Variants in RNASEH2B observed in about 807,000 individuals in gnomAD.
RNASEH2B encodes the protein Aicardi-Goutieres syndrome 2 protein.
RNASEH2B carries 36 observed loss-of-function variants against 45.0 expected under a neutral mutation model. That is an observed-to-expected ratio of 0.80 (90% CI 0.61 to 1.06). RNASEH2B has a LOEUF of 1.06. Among genes scored for constraint, RNASEH2B ranks in the 50% least tolerant of loss-of-function variants. The pLI, the probability that RNASEH2B is intolerant of heterozygous loss-of-function variation, is 0.00. For missense variants in RNASEH2B, 361 were observed against 360.3 expected (o/e 1.00, Z -0.02); for synonymous variants, 119 against 125.7 (o/e 0.95, Z 0.35).
At chr13:50,942,817 T>C (rs948177830) in intron 5 of RNASEH2B, 1 of 156,050 alleles carries the variant, frequency 6.4e-6, no homozygotes, top group African/African-American at 2.4e-5. Flanking sequence ...ATGTGTAAGA[T>C]GTACATTGGT....
At chr13:50,958,884 T>C (rs774213053), downstream of RNASEH2B, among the ~76,000 whole-genome samples, 2 of 152,154 alleles carry the variant, frequency 1.3e-5, no homozygotes. Context: ...TGTGGGCTTA[T>C]TGGATTTTCA....
chr13:50,962,781 G>A (rs1198747504), intron 9 of RNASEH2B, among the ~76,000 whole-genome samples: 3 of 152,134 alleles, frequency 2.0e-5, no homozygotes, highest in Non-Finnish European at 2.9e-5. Flanking sequence ...TTTTCAGCAA[G>A]TTGACTATGA....
intron 10 of RNASEH2B, 124 bp downstream of exon 10, chr13:50,954,109 C>A (rs1363887569): frequency 1.4e-5 from 10 of 718,098 alleles, no homozygotes; most frequent in Non-Finnish European, 2.6e-5. Context: ...TATTAACTTG[C>A]ATTTCTGTGA....
At chr13:50,950,726 T>G (rs1003164363) in intron 9 of RNASEH2B, 18 of 152,256 alleles carry the variant, frequency 1.2e-4, no homozygotes, top group African/African-American at 4.3e-4. Flanking sequence ...TTAGAGATCA[T>G]TCATGAATTG....
intron 9 of RNASEH2B, chr13:50,950,231 G>C (rs1358694752): frequency 2.0e-5 from 3 of 152,266 alleles, no homozygotes; most frequent in Non-Finnish European, 4.4e-5. Flanking sequence ...AGCCAGCAAA[G>C]TAACGGATGC....
Position 50,909,893 on chromosome 13 carries a change from C to T in RNASEH2B, c.-184C>T, listed in dbSNP as rs1338634141. On this transcript the variant is annotated 5_prime_UTR_variant, in exon 1 of 11. Coordinates refer to ENST00000336617, the MANE Select transcript of RNASEH2B (RefSeq NM_024570.4). ...CCTGGCGCTAAATTTAAAAACGTAA[C>T]ACGAGCAGCAGGCTGGTCTCGGAAA... 3 of 477,946 alleles carry T rather than the reference C, an allele frequency of 6.3e-6. No homozygotes were observed. Among genetic ancestry groups the T allele is most frequent in the Non-Finnish European group, 1.1e-5 (3 of 272,694 alleles). The allele number at this position is 477,946 out of a possible 1,614,324, so 29.6% of individuals were successfully genotyped here.
intron 9 of RNASEH2B, chr13:50,952,466 A>G (rs998813860): frequency 6.6e-6 from 1 of 152,196 alleles, no homozygotes; most frequent in Admixed American, 6.5e-5. Flanking sequence ...CAGTGGCACA[A>G]TCTCAGCTTA....
downstream of RNASEH2B, among the ~76,000 whole-genome samples, chr13:50,957,974 G>A (rs973681276): frequency 2.6e-5 from 4 of 152,018 alleles, no homozygotes; most frequent in African/African-American, 9.7e-5. Flanking sequence ...ATTGATTTGT[G>A]TAAGTTCCTT....
At chr13:50,913,485 A>G (rs911448501) in intron 1 of RNASEH2B, among the ~76,000 whole-genome samples, 1 of 151,206 alleles carries the variant, frequency 6.6e-6, no homozygotes, top group African/African-American at 2.4e-5. Flanking sequence ...AACATTGTGT[A>G]TTGAAAAAAA....
chr13:50,941,760 T>C (rs568985267), intron 5 of RNASEH2B: 3 of 152,220 alleles, frequency 2.0e-5, no homozygotes, highest in Admixed American at 2.0e-4. Context: ...GCCCAGGTAG[T>C]CCTGGCTCCA....
chr13:50,949,443 G>A lies in RNASEH2B; in HGVS notation c.699-20G>A, dbSNP rs749427005. ...TCTATGAAAAACGATGACTTTGATT[G>A]TTATTTTTAACTTTCTTAGGCTTCC... is the stretch of plus-strand genomic sequence containing the variant. On this transcript the variant is annotated intron_variant, in intron 8 of 10. Transcript: ENST00000336617. 4 of 1,612,054 alleles carry A rather than the reference G, an allele frequency of 2.5e-6. No homozygotes were observed. The highest frequency in any genetic ancestry group is 1.7e-5 in the Admixed American group (1 of 59,930).
downstream of RNASEH2B, among the ~76,000 whole-genome samples, chr13:50,961,007 T>A (rs1952106844): frequency 6.6e-6 from 1 of 152,180 alleles, no homozygotes; most frequent in African/African-American, 2.4e-5. Flanking sequence ...GAATATTTCT[T>A]ATTCTAATAT....
chr13:50,917,903 C>T (rs796335371), intron 1 of RNASEH2B, among the ~76,000 whole-genome samples: 25 of 152,242 alleles, frequency 1.6e-4, no homozygotes, highest in African/African-American at 5.8e-4. Context: ...TCTTTTCTAG[C>T]ACTCCACAAT....
intron 1 of RNASEH2B, among the ~76,000 whole-genome samples, chr13:50,918,429 G>A (rs113055247): frequency 0.078 from 11,855 of 152,268 alleles, 620 homozygotes; most frequent in Admixed American, 0.17. Context: ...GAGCCACTGC[G>A]CCCGGCCTCT....
At chr13:50,934,740 C>T in intron 4 of RNASEH2B, 145 bp from the exon 5 acceptor site, 1 of 691,416 alleles carries the variant, frequency 1.4e-6, no homozygotes, top group Non-Finnish European at 2.6e-6. Flanking sequence ...TAGAGCCTGT[C>T]CCATTGTAGG....
At chr13:50,920,978 A>T (rs891289566) in intron 1 of RNASEH2B, among the ~76,000 whole-genome samples, 8 of 152,284 alleles carry the variant, frequency 5.3e-5, no homozygotes, top group Admixed American at 2.0e-4. Flanking sequence ...TTAAGCCGTT[A>T]TGTAACTCTG....
intron 10 of RNASEH2B, chr13:50,955,781 C>G (rs1952039027): frequency 6.6e-6 from 1 of 152,624 alleles, no homozygotes; most frequent in Non-Finnish European, 1.5e-5. Flanking sequence ...ATTCAGTGAC[C>G]AGAGAGAGAT....
intron 1 of RNASEH2B, among the ~76,000 whole-genome samples, chr13:50,919,686 G>A (rs1042732986): frequency 6.6e-6 from 1 of 152,188 alleles, no homozygotes; most frequent in African/African-American, 2.4e-5. Flanking sequence ...CAGATTAAGA[G>A]TTTCTTTACA....
intron 9 of RNASEH2B, 145 bp from the exon 10 acceptor site, chr13:50,953,760 G>A: frequency 3.1e-6 from 2 of 648,524 alleles, no homozygotes; most frequent in South Asian, 1.8e-5. Flanking sequence ...ATGTAAAGGA[G>A]CCTGTAAAAA....
Sources: allele counts gnomAD v4.1 joint callset (sites outside exome capture counted in the v4.1 genomes callset), GRCh38; gene constraint gnomAD v4.1.1; transcripts MANE v1.5; gene names NCBI Gene and HGNC (gene_info 2026-07-23, HGNC 2026-07-21).